FRMD4B: variants seen among roughly 807,000 people sequenced by gnomAD.
FRMD4B encodes the protein FERM domain containing 4B, also known as FERM domain-containing protein 4B.
In FRMD4B, 74 loss-of-function variants were observed where a neutral mutation model predicts 141.5. The ratio of observed to expected loss-of-function variants is 0.52; its 90% CI spans 0.43 to 0.63. The LOEUF is 0.63. Among genes scored for constraint, FRMD4B ranks in the 30% least tolerant of loss-of-function variants. The probability of loss-of-function intolerance (pLI) is 0.00; values close to 1 mark genes in which losing one functional copy is unlikely to be tolerated. For missense variants in FRMD4B, 1,366 were observed against 1,253.4 expected, an observed-to-expected ratio of 1.09 and a Z score of -1.36; for synonymous variants, 506 against 467.9, an observed-to-expected ratio of 1.08 and a Z score of -1.05.
intron 21 of FRMD4B, among the ~76,000 whole-genome samples, chr3:69,177,361 T>A (rs1291302717): frequency 1.3e-5 from 2 of 151,768 alleles, no homozygotes; most frequent in African/African-American, 4.8e-5. Context: ...TAAATAAAAA[T>A]AATTTCAGGT....
At chr3:69,473,141 T>A (rs1705924868) in intron 1 of FRMD4B, among the ~76,000 whole-genome samples, 1 of 152,066 alleles carries the variant, frequency 6.6e-6, no homozygotes, top group Admixed American at 6.6e-5. Context: ...TTAGCCCTTC[T>A]TTTCAGAAGT....
chr3:69,518,884 CAA>C (rs1700808026), intron 1 of FRMD4B, among the ~76,000 whole-genome samples: 1 of 152,160 alleles, frequency 6.6e-6, no homozygotes, highest in Non-Finnish European at 1.5e-5. Context: ...GGACTCTTTG[CAA>C]AGAGTGCTGG....
intron 4 of FRMD4B, among the ~76,000 whole-genome samples, chr3:69,296,521 A>G (rs1207620834): frequency 2.0e-5 from 3 of 152,148 alleles, no homozygotes; most frequent in African/African-American, 7.2e-5. Flanking sequence ...GTCATGGGTG[A>G]TACTGAGGCA....
At chr3:69,211,702 C>T (rs2093081637) in intron 11 of FRMD4B, among the ~76,000 whole-genome samples, 1 of 152,154 alleles carries the variant, frequency 6.6e-6, no homozygotes, top group Non-Finnish European at 1.5e-5. Flanking sequence ...AGGCTGAGCA[C>T]CTTAAGGCCT....
intron 7 of FRMD4B, among the ~76,000 whole-genome samples, chr3:69,231,094 G>T (rs551726936): frequency 6.6e-6 from 1 of 152,306 alleles, no homozygotes; most frequent in South Asian, 2.1e-4. Flanking sequence ...CTTCTTGGAT[G>T]GGAGACAGCC....
At chr3:69,396,966 T>G (rs1372631477) in intron 2 of FRMD4B, among the ~76,000 whole-genome samples, 3 of 152,174 alleles carry the variant, frequency 2.0e-5, no homozygotes, top group African/African-American at 7.2e-5. Flanking sequence ...TAAAATGTGA[T>G]ATATCCATAT....
rs568057111 is a variant in FRMD4B, at chr3:69,221,308, A to G, written c.731+550T>C. ...ACTCTATAAGTCACAAAATGTAGAAATACATTACAATGGCTTGTTGTTAGT... is the reference window on the plus strand; with the variant it reads ...ACTCTATAAGTCACAAAATGTAGAAGTACATTACAATGGCTTGTTGTTAGT... On this transcript the variant is annotated intron_variant, in intron 9 of 22. Transcript: ENST00000398540. Among the ~76,000 whole-genome samples the G allele has an allele frequency of 2.0e-5, 3 of 152,288 alleles. No individual in the cohort carries two copies. The East Asian group carries it at 5.8e-4, about 29-fold the overall frequency.
rs148811806 is a variant in FRMD4B, at chr3:69,284,194, TG to T, written c.501+3557del. Among the ~76,000 whole-genome samples the T allele has an allele frequency of 2.4e-3, 361 of 152,112 alleles. 3 individuals are homozygous for T. Among genetic ancestry groups the T allele is most frequent in the East Asian group, 0.02 (106 of 5,176 alleles). ...AACTCCTTAGTCTGGGAGATCAAAA[TG>T]AATAGAATTTGCAGAACAGTCTGCC... is the stretch of plus-strand genomic sequence containing the variant. On this transcript the variant is annotated intron_variant, in intron 5 of 22. Coordinates refer to ENST00000398540, the MANE Select transcript of FRMD4B (RefSeq NM_015123.3).
chr3:69,252,393 C>T (rs1227566151), intron 5 of FRMD4B, among the ~76,000 whole-genome samples: 2 of 152,102 alleles, frequency 1.3e-5, no homozygotes, highest in Non-Finnish European at 2.9e-5. Flanking sequence ...AGGAGGGTGA[C>T]GGTGCGGTGA....
intron 1 of FRMD4B, among the ~76,000 whole-genome samples, chr3:69,347,464 G>C (rs1702985550): frequency 6.6e-6 from 1 of 152,198 alleles, no homozygotes; most frequent in Non-Finnish European, 1.5e-5. Flanking sequence ...ATTGAATTCA[G>C]CTCTGCACCA....
At chr3:69,203,292 A>T (rs4376041) in intron 11 of FRMD4B, among the ~76,000 whole-genome samples, 115,280 of 136,286 alleles carry the variant, frequency 0.85, 49,439 homozygotes, top group South Asian at 0.96. Context: ...ATGGTTCCTA[A>T]ATATCTGAGG....
At chr3:69,227,386 G>A (rs576138467) in intron 7 of FRMD4B, among the ~76,000 whole-genome samples, 2 of 152,210 alleles carry the variant, frequency 1.3e-5, no homozygotes, top group Admixed American at 6.5e-5. Flanking sequence ...ATTCTTAACC[G>A]GGTGCAGTGG....
At chr3:69,337,254 T>C (rs983989016) in intron 1 of FRMD4B, among the ~76,000 whole-genome samples, 8 of 152,198 alleles carry the variant, frequency 5.3e-5, no homozygotes, top group African/African-American at 1.2e-4. Flanking sequence ...GCTAGCCATA[T>C]GTAGAAAGCT....
chr3:69,223,208 T>A (rs1247294723), intron 8 of FRMD4B, among the ~76,000 whole-genome samples: 6 of 152,254 alleles, frequency 3.9e-5, no homozygotes, highest in Admixed American at 3.9e-4. Flanking sequence ...TAGTAATGTC[T>A]TTTTTTTTAA....
intron 1 of FRMD4B, among the ~76,000 whole-genome samples, chr3:69,363,904 G>T (rs992165875): frequency 6.6e-6 from 1 of 152,176 alleles, no homozygotes; most frequent in Admixed American, 6.5e-5. Context: ...ACAATTTGGT[G>T]ATCACCTCCA....
At chr3:69,397,131 T>C (rs1704486809) in intron 2 of FRMD4B, among the ~76,000 whole-genome samples, 1 of 152,072 alleles carries the variant, frequency 6.6e-6, no homozygotes, top group Non-Finnish European at 1.5e-5. Flanking sequence ...ACTTGATGAG[T>C]GGATATACAA....
intron 1 of FRMD4B, among the ~76,000 whole-genome samples, chr3:69,351,473 G>A (rs1703148789): frequency 6.6e-6 from 1 of 152,176 alleles, no homozygotes; most frequent in Admixed American, 6.5e-5. Flanking sequence ...TTTGTGATAA[G>A]AGACAAGACA....
Position 69,263,834 on chromosome 3 carries a change from T to C in FRMD4B, c.502-13735A>G, listed in dbSNP as rs543356486. Among the ~76,000 whole-genome samples, 210 of 137,746 alleles carry C rather than the reference T, an allele frequency of 1.5e-3. 1 individual carries two copies. The highest frequency in any genetic ancestry group is 7.2e-3 in the Middle Eastern group (2 of 278). 90.4% of individuals were successfully genotyped at this position (137,746 alleles called of 152,430 possible). A position where few individuals can be genotyped will look rare whatever the true frequency, so the allele number is the denominator to read the frequency against. On this transcript the variant is annotated intron_variant, in intron 5 of 22. Transcript: ENST00000398540. ...CCCCATTCCTTTTTTTTTTTTTTTT[T>C]TTTTTTTTGAGACAGAGTCTCGCTC...
At chr3:69,340,030 TG>T (rs934280881) in intron 1 of FRMD4B, among the ~76,000 whole-genome samples, 1 of 152,160 alleles carries the variant, frequency 6.6e-6, no homozygotes, top group Non-Finnish European at 1.5e-5. Flanking sequence ...TCTTACTCCC[TG>T]GGCCCCAGCC....
Sources: allele counts gnomAD v4.1 joint callset (sites outside exome capture counted in the v4.1 genomes callset), GRCh38; gene constraint gnomAD v4.1.1; transcripts MANE v1.5; gene names NCBI Gene and HGNC (gene_info 2026-07-23, HGNC 2026-07-21).